BACH2: variants seen among roughly 807,000 people sequenced by gnomAD.
BACH2 encodes the protein BACH transcriptional regulator 2, also known as transcription regulator protein BACH2.
In BACH2, 5 loss-of-function variants were observed where a neutral mutation model predicts 61.8. That is an observed-to-expected ratio of 0.08 (90% CI 0.04 to 0.17). The LOEUF is 0.17. BACH2 is among the 10% of genes least tolerant of loss of function. BACH2 has a pLI of 1.00. For missense variants in BACH2, 824 were observed against 1,091.1 expected, an observed-to-expected ratio of 0.76 and a Z score of 3.45; for synonymous variants, 446 against 440.1, an observed-to-expected ratio of 1.01 and a Z score of -0.17.
intron 4 of BACH2, among the ~76,000 whole-genome samples, chr6:90,189,924 T>C (rs915408065): frequency 6.6e-6 from 1 of 151,732 alleles, no homozygotes; most frequent in Non-Finnish European, 1.5e-5. Context: ...TTCTTTGGGG[T>C]AGGAATTGGT....
At chr6:90,113,011 G>C (rs1783240700) in intron 4 of BACH2, among the ~76,000 whole-genome samples, 1 of 152,078 alleles carries the variant, frequency 6.6e-6, no homozygotes, top group South Asian at 2.1e-4. Flanking sequence ...ACAAGGAAGG[G>C]CATTACATAA....
In BACH2 at chr6:90,118,161, C is replaced by T. The variant is rs541852103; in HGVS notation, c.-161-29052G>A. On this transcript the variant is annotated intron_variant, in intron 4 of 8. Coordinates refer to ENST00000257749, the MANE Select transcript of BACH2 (RefSeq NM_021813.4). The stretch of plus-strand genomic sequence containing the variant: ...AAGATAATAAGCTTTAAAGCAAAGC[C>T]GTCTCCTATGGACATCCTTCAGGAA... Among the ~76,000 whole-genome samples, 64 of 152,236 alleles carry T rather than the reference C, an allele frequency of 4.2e-4. No individual in the cohort carries two copies. The South Asian group carries it at 9.1e-3, about 22-fold the overall frequency.
chr6:90,217,267 C>A (rs1375996556), intron 3 of BACH2, among the ~76,000 whole-genome samples: 4 of 152,180 alleles, frequency 2.6e-5, no homozygotes, highest in Non-Finnish European at 4.4e-5. Context: ...TAGCTATTAA[C>A]AGAAGGAGTT....
chr6:89,939,818 ATT>A (rs1773303235), intron 7 of BACH2, among the ~76,000 whole-genome samples: 10 of 128,972 alleles, frequency 7.8e-5, no homozygotes, highest in Non-Finnish European at 1.6e-4. Context: ...TGCCCAGTTA[ATT>A]AAATTTTTTT....
chr6:90,215,241 G>GT (rs1769493839), intron 3 of BACH2, among the ~76,000 whole-genome samples: 1 of 152,162 alleles, frequency 6.6e-6, no homozygotes. Context: ...AGGTAGTAGT[G>GT]TAACTATGAA....
At chr6:90,210,151 A>T (rs73505273) in intron 3 of BACH2, among the ~76,000 whole-genome samples, 1 of 152,138 alleles carries the variant, frequency 6.6e-6, no homozygotes. Flanking sequence ...TAGTTTTCCT[A>T]ATTTGGAAAC....
chr6:90,061,787 GA>G (rs1368720869), intron 5 of BACH2, among the ~76,000 whole-genome samples: 1 of 152,168 alleles, frequency 6.6e-6, no homozygotes, highest in African/African-American at 2.4e-5. Flanking sequence ...GACTGTGCTG[GA>G]AGCTATTGAG....
intron 6 of BACH2, among the ~76,000 whole-genome samples, chr6:89,978,633 TA>T (rs753724278): frequency 0.023 from 2,018 of 86,032 alleles, 22 homozygotes; most frequent in African/African-American, 0.055. Flanking sequence ...GTGTTGGCTT[TA>T]AAAAAAAAAA....
rs535047402 is a variant in BACH2, at chr6:89,994,728, T to C, written c.243+13874A>G. On this transcript the variant is annotated intron_variant, in intron 6 of 8. Coordinates refer to ENST00000257749, the MANE Select transcript of BACH2 (RefSeq NM_021813.4). ...GTTCCAGTACTATGCCCCATCCTTT[T>C]CCTGATCTTCCTTCCCTTTCATCCA... is the stretch of plus-strand genomic sequence containing the variant. 1.1e-3 allele frequency among the ~76,000 whole-genome samples: 168 copies of C among 152,326 alleles called. 1 individual carries two copies. Among genetic ancestry groups the C allele is most frequent in the Middle Eastern group, 3.4e-3 (1 of 294 alleles).
At chr6:89,992,719 T>G (rs9353711) in intron 6 of BACH2, among the ~76,000 whole-genome samples, 1 of 152,076 alleles carries the variant, frequency 6.6e-6, no homozygotes, top group East Asian at 1.9e-4. Flanking sequence ...AGAGAACTTT[T>G]TTCTTTCTTA....
At chr6:90,147,933 A>T (rs1784680137) in intron 4 of BACH2, among the ~76,000 whole-genome samples, 1 of 152,232 alleles carries the variant, frequency 6.6e-6, no homozygotes, top group African/African-American at 2.4e-5. Flanking sequence ...AAATTAAAAC[A>T]TTAAATCAAA....
At chr6:89,964,611 T>C (rs1774947365) in intron 6 of BACH2, among the ~76,000 whole-genome samples, 1 of 152,246 alleles carries the variant, frequency 6.6e-6, no homozygotes, top group Non-Finnish European at 1.5e-5. Flanking sequence ...GAATAGCAGT[T>C]CTACCTTTGC....
intron 6 of BACH2, among the ~76,000 whole-genome samples, chr6:89,966,081 T>C (rs1301084779): frequency 6.6e-6 from 1 of 152,158 alleles, no homozygotes; most frequent in Non-Finnish European, 1.5e-5. Context: ...ATAGAAATGG[T>C]GTTACTGTGG....
At chr6:90,269,129 C>T (rs1299263652) in intron 2 of BACH2, among the ~76,000 whole-genome samples, 3 of 152,094 alleles carry the variant, frequency 2.0e-5, no homozygotes, top group South Asian at 2.1e-4. Flanking sequence ...AATGAAGATG[C>T]TAATAGCAAC....
At chr6:90,056,769 T>G (rs1001593334) in intron 5 of BACH2, among the ~76,000 whole-genome samples, 36 of 152,172 alleles carry the variant, frequency 2.4e-4, no homozygotes, top group African/African-American at 8.4e-4. Flanking sequence ...TATAACAAAC[T>G]GTCTCTCAGA....
At chr6:90,115,165 A>T (rs893605868) in intron 4 of BACH2, among the ~76,000 whole-genome samples, 3 of 152,176 alleles carry the variant, frequency 2.0e-5, no homozygotes, top group Admixed American at 2.0e-4. Flanking sequence ...GAACTAGAAA[A>T]AATTATTTTA....
chr6:90,254,114 A>C (rs1367940646), intron 2 of BACH2, among the ~76,000 whole-genome samples: 1 of 152,048 alleles, frequency 6.6e-6, no homozygotes, highest in Non-Finnish European at 1.5e-5. Context: ...AATGATCTCC[A>C]GGGCCAGAAA....
At chr6:89,934,178 C>G (rs1435324187) in intron 8 of BACH2, among the ~76,000 whole-genome samples, 2 of 152,176 alleles carry the variant, frequency 1.3e-5, no homozygotes, top group Non-Finnish European at 2.9e-5. Flanking sequence ...AGCAGCGATT[C>G]TCCCCGACTT....
chr6:90,180,792 T>C (rs1415605264), intron 4 of BACH2, among the ~76,000 whole-genome samples: 5 of 151,958 alleles, frequency 3.3e-5, no homozygotes, highest in African/African-American at 7.3e-5. Flanking sequence ...TGGAATGGAA[T>C]GCATTCTATT....
Sources: gnomAD v4.1 joint callset for allele counts (sites outside exome capture counted in the v4.1 genomes callset) on GRCh38, gnomAD v4.1.1 for gene constraint, MANE v1.5 for transcripts, NCBI Gene and HGNC (gene_info 2026-07-23, HGNC 2026-07-21) for gene names.